Variants in ARHGAP21 observed in about 807,000 individuals in gnomAD.
The protein encoded by ARHGAP21 is rho GTPase-activating protein 21.
ARHGAP21 carries 38 observed loss-of-function variants against 164.6 expected under a neutral mutation model. The observed-to-expected ratio is 0.23, with a 90% CI of 0.18 to 0.30. The LOEUF (loss-of-function observed/expected upper bound fraction) is 0.30. Ranked by LOEUF, ARHGAP21 falls within the 10% of genes least tolerant of loss-of-function variation. The probability of loss-of-function intolerance (pLI) is 1.00; values close to 1 mark genes in which losing one functional copy is unlikely to be tolerated. For missense variants in ARHGAP21, 1,822 were observed against 2,370.7 expected (o/e 0.77, Z 4.81); for synonymous variants, 766 against 857.9 (o/e 0.89, Z 1.87).
chr10:24,625,050 TGGG>T lies in ARHGAP21; in HGVS notation c.496-2291_496-2289del, dbSNP rs57313842. 3.9e-3 allele frequency among the ~76,000 whole-genome samples: 3 copies of T among 778 alleles called. 1 individual carries two copies. Among genetic ancestry groups the T allele is most frequent in the Non-Finnish European group, 6.9e-3 (2 of 288 alleles). The allele number at this position is 778 out of a possible 152,430, so 0.5% of individuals were successfully genotyped here. On this transcript the variant is annotated intron_variant, in intron 7 of 25. Coordinates refer to ENST00000396432, the MANE Select transcript of ARHGAP21 (RefSeq NM_020824.4). ...ATTAGATACAAAAAGCTCTAAAAAGTGGGGGGGGGGGGGGAGGAGGAGGAGGAA... is the reference window on the plus strand; with the variant it reads ...ATTAGATACAAAAAGCTCTAAAAAGTGGGGGGGGGGGAGGAGGAGGAGGAA...
At position 24,628,920 on chromosome 10, in the gene ARHGAP21, T is replaced by TATATAC. The variant is rs1280093781; in HGVS notation, c.495+1075_495+1076insGTATAT. On this transcript the variant is annotated intron_variant, in intron 7 of 25. Transcript: ENST00000396432. ...ATACATATATACACATATATACACA[T>TATATAC]ATATATACATACATATATATACACA... is the stretch of plus-strand genomic sequence containing the variant. The TATATAC allele has an allele frequency of 2.1e-3, 234 of 110,540 alleles. 3 individuals carry two copies. Among genetic ancestry groups the TATATAC allele is most frequent in the African/African-American group, 6.1e-3 (174 of 28,368 alleles). 6.8% of individuals were successfully genotyped at this position (110,540 alleles called of 1,614,324 possible).
chr10:24,610,131 C>A (rs2077190964), intron 9 of ARHGAP21, among the ~76,000 whole-genome samples: 4 of 152,196 alleles, frequency 2.6e-5, no homozygotes. Context: ...GATCTCAGCA[C>A]TTTGGGAGGC....
chr10:24,701,166 A>G (rs866854485), intron 2 of ARHGAP21, among the ~76,000 whole-genome samples: 12 of 152,142 alleles, frequency 7.9e-5, no homozygotes, highest in African/African-American at 2.9e-4. Context: ...AGCTTCAGGG[A>G]GAAAGCAGTA....
At chr10:24,626,339 C>T (rs1282040387) in intron 7 of ARHGAP21, among the ~76,000 whole-genome samples, 1 of 152,166 alleles carries the variant, frequency 6.6e-6, no homozygotes, top group Non-Finnish European at 1.5e-5. Flanking sequence ...TATGTTGACA[C>T]TTAATCACCA....
Position 24,585,931 on chromosome 10 carries a change from T to A in ARHGAP21, c.4358A>T (p.Asp1453Val). The A allele has an allele frequency of 6.2e-7, 1 of 1,614,174 alleles. No individual in the cohort carries two copies. Among genetic ancestry groups the A allele is most frequent in the South Asian group, 1.1e-5 (1 of 91,084 alleles). ...KKENVEQCHN[D>V]TKEESKKESE... ...TTCTTTTTTGGACTCCTCTTTAGTATCATTGTGACACTGTTCCACATTTTC... is the reference window on the plus strand; with the variant it reads ...TTCTTTTTTGGACTCCTCTTTAGTAACATTGTGACACTGTTCCACATTTTC... The change falls in exon 26 of 26, where the codon GAT becomes GTT. Residue 1453 changes from aspartate to valine, a missense_variant. Asp to Val is a radical substitution (Grantham distance 152). This residue lies in a region of ARHGAP21 where 333 missense variants were observed against 383.9 expected (regional missense o/e 0.87). Transcript: ENST00000396432.
intron 14 of ARHGAP21, among the ~76,000 whole-genome samples, chr10:24,599,083 A>C (rs1269049326): frequency 6.6e-6 from 1 of 152,222 alleles, no homozygotes; most frequent in Non-Finnish European, 1.5e-5. Context: ...CCTGTGTCTT[A>C]AGATTAGATG....
At position 24,721,809 on chromosome 10, in the gene ARHGAP21, C is replaced by T. The variant is rs371686260; in HGVS notation, c.63+28G>A. On this transcript the variant is annotated intron_variant, in intron 2 of 25. Coordinates refer to ENST00000396432, the MANE Select transcript of ARHGAP21 (RefSeq NM_020824.4). ...CTCAAGACACAGGCCACCGCCCTGC[C>T]GGCCAGGAACGCTGGCTCCGCGCTT... The T allele has an allele frequency of 7.2e-5, 116 of 1,613,158 alleles. No homozygotes were observed. The African/African-American group carries it at 1.4e-3, about 20-fold the overall frequency.
At chr10:24,651,274 T>C (rs1000591092) in intron 4 of ARHGAP21, among the ~76,000 whole-genome samples, 2 of 152,210 alleles carry the variant, frequency 1.3e-5, no homozygotes, top group Admixed American at 6.5e-5. Context: ...GCCTGGGGAC[T>C]CTTCACTGGC....
chr10:24,631,991 G>A (rs1290308574), intron 6 of ARHGAP21, among the ~76,000 whole-genome samples: 1 of 152,136 alleles, frequency 6.6e-6, no homozygotes, highest in African/African-American at 2.4e-5. Context: ...AAAATGCTGG[G>A]ATTACAGGCA....
At chr10:24,623,952 A>T (rs567873530) in intron 7 of ARHGAP21, among the ~76,000 whole-genome samples, 72 of 152,330 alleles carry the variant, frequency 4.7e-4, no homozygotes, top group African/African-American at 1.6e-3. Flanking sequence ...ATTACTGTTT[A>T]GTAATAGAAG....
intron 21 of ARHGAP21, 147 bp downstream of exon 21, chr10:24,594,803 T>C: frequency 1.9e-6 from 1 of 521,148 alleles, no homozygotes; most frequent in South Asian, 5.6e-5. Context: ...TGGGATCTTT[T>C]GCTTTTAAAA....
At chr10:24,599,708 AGATTTGCTT>A (rs2076731854) in intron 14 of ARHGAP21, among the ~76,000 whole-genome samples, 1 of 152,232 alleles carries the variant, frequency 6.6e-6, no homozygotes, top group Non-Finnish European at 1.5e-5. Flanking sequence ...CATCATTGCT[AGATTTGCTT>A]GATAAAGTTT....
intron 4 of ARHGAP21, among the ~76,000 whole-genome samples, chr10:24,657,460 C>T (rs1321663649): frequency 2.1e-5 from 2 of 94,864 alleles, no homozygotes; most frequent in African/African-American, 4.9e-5. Context: ...CCAGCCGCCC[C>T]GTCCGGGAGG....
chr10:24,718,361 A>G (rs901234940), intron 2 of ARHGAP21, among the ~76,000 whole-genome samples: 4 of 152,202 alleles, frequency 2.6e-5, no homozygotes, highest in Admixed American at 1.3e-4. Flanking sequence ...CTAGAGATCA[A>G]CCATAAAGCC....
intron 21 of ARHGAP21, among the ~76,000 whole-genome samples, chr10:24,593,503 T>G (rs1270014490): frequency 7.9e-4 from 120 of 152,088 alleles, no homozygotes; most frequent in Non-Finnish European, 4.3e-4. Flanking sequence ...TAATATTTTA[T>G]CTGGGTAAAC....
chr10:24,613,800 T>C (rs981221772), intron 9 of ARHGAP21, among the ~76,000 whole-genome samples: 2 of 152,146 alleles, frequency 1.3e-5, no homozygotes, highest in African/African-American at 4.8e-5. Flanking sequence ...CAAGAAAGCA[T>C]GCACCAGGTC....
At position 24,723,719 on chromosome 10, in the gene ARHGAP21, C is replaced by T. The variant is rs1392141785; in HGVS notation, c.-538G>A. The T allele has an allele frequency of 6.8e-6, 1 of 147,238 alleles. No homozygotes were observed. The highest frequency in any genetic ancestry group is 6.8e-5 in the Admixed American group (1 of 14,728). The allele number at this position is 147,238 out of a possible 1,614,324, so 9.1% of individuals were successfully genotyped here. On this transcript the variant is annotated 5_prime_UTR_variant, in exon 1 of 26. Coordinates refer to ENST00000396432, the MANE Select transcript of ARHGAP21 (RefSeq NM_020824.4). ...GCCGCCGCGCTCCGAGGCCGCCGCC[C>T]CCGGCCGGCCGCTCCCAGGCACCGC... is the stretch of plus-strand genomic sequence containing the variant.
At chr10:24,586,819 G>A (rs1016737543) in intron 25 of ARHGAP21, among the ~76,000 whole-genome samples, 4 of 152,130 alleles carry the variant, frequency 2.6e-5, no homozygotes, top group African/African-American at 4.8e-5. Context: ...AGGCTGAGGC[G>A]GGCAGATTGC....
At position 24,583,863 on chromosome 10, in the gene ARHGAP21, ACAAAACT is replaced by A. The variant is rs1201345317; in HGVS notation, c.*542_*548del. On this transcript the variant is annotated 3_prime_UTR_variant, in exon 26 of 26. Transcript: ENST00000396432. Reference sequence around the variant, plus strand: ...CAGAAAGATTAAAAATTCAAGTCACACAAAACTCAAAAACTGTATTAAAAGTTTGAAT... The same window carrying A: ...CAGAAAGATTAAAAATTCAAGTCACACAAAAACTGTATTAAAAGTTTGAAT... The A allele has an allele frequency of 6.5e-6, 1 of 152,676 alleles. No homozygotes were observed. Among genetic ancestry groups the A allele is most frequent in the African/African-American group, 2.4e-5 (1 of 41,470 alleles). 9.5% of individuals were successfully genotyped at this position (152,676 alleles called of 1,614,324 possible). A position where few individuals can be genotyped will look rare whatever the true frequency, so the allele number is the denominator to read the frequency against.
Sources: gnomAD v4.1 joint callset for allele counts (sites outside exome capture counted in the v4.1 genomes callset) on GRCh38, gnomAD v4.1.1 for gene constraint, gnomAD v4.1.1 regional missense constraint, MANE v1.5 for transcripts, NCBI Gene and HGNC (gene_info 2026-07-23, HGNC 2026-07-21) for gene names.